PINK1: variants seen among roughly 807,000 people sequenced by gnomAD.
The protein encoded by PINK1 is PTEN induced kinase 1, also known as serine/threonine-protein kinase PINK1, mitochondrial.
A neutral mutation model predicts 56.0 loss-of-function variants in PINK1; 58 were observed. The ratio of observed to expected loss-of-function variants is 1.04; its 90% confidence interval spans 0.84 to 1.29. PINK1 has a LOEUF of 1.29. Ranked by LOEUF, PINK1 falls within the 50% of genes most tolerant of loss-of-function variation. The pLI, the probability that PINK1 is intolerant of heterozygous loss-of-function variation, is 0.00. For missense variants in PINK1, 745 were observed against 777.9 expected (o/e 0.96, Z 0.50); for synonymous variants, 354 against 339.3 (o/e 1.04, Z -0.48).
Position 20,645,602 on chromosome 1 carries a change from C to G in PINK1, c.1002C>G (p.Pro334=). 6.2e-7 allele frequency: 1 copy of G among 1,614,124 alleles called. No individual in the cohort carries two copies. Among genetic ancestry groups the G allele is most frequent in the Non-Finnish European group, 8.5e-7 (1 of 1,180,040 alleles). ...TLRQYLCVNT[P]SPRLAAMMLL... ...GCCAGTACCTTTGTGTGAACACACC[C>G]AGCCCCCGCCTCGCCGCCATGATGC... The change falls in exon 5 of 8, where the codon CCC becomes CCG. Residue 334 remains proline (P), a synonymous_variant. Coordinates refer to ENST00000321556, the MANE Select transcript of PINK1 (RefSeq NM_032409.3).
At chr1:20,642,169 C>A (rs534988498) in intron 3 of PINK1, among the ~76,000 whole-genome samples, 7 of 152,206 alleles carry the variant, frequency 4.6e-5, no homozygotes, top group Non-Finnish European at 8.8e-5. Flanking sequence ...GCTCTCTCCC[C>A]AGCACCGTCT....
chr1:20,643,204 A>AC (rs1313470866), intron 3 of PINK1: 1 of 152,224 alleles, frequency 6.6e-6, no homozygotes, highest in Non-Finnish European at 1.5e-5. Flanking sequence ...CTCGAGTGTC[A>AC]CTGTAGGTTC....
In PINK1 at chr1:20,641,680, C is replaced by G. The variant is rs1319489410; in HGVS notation, c.776+1688C>G. On this transcript the variant is annotated intron_variant, in intron 3 of 7. Coordinates refer to ENST00000321556, the MANE Select transcript of PINK1 (RefSeq NM_032409.3). The surrounding 1 kb of genome is among the most constrained non-coding windows in gnomAD (Gnocchi z 4.0). ...TTCATTTCCTCCTAGCCTCTGCTCTCCTGGGGCCCAGAGATTGAAGGCGCT... is the reference window on the plus strand; with the variant it reads ...TTCATTTCCTCCTAGCCTCTGCTCTGCTGGGGCCCAGAGATTGAAGGCGCT... Among the ~76,000 whole-genome samples, 2 of 152,142 alleles carry G rather than the reference C, an allele frequency of 1.3e-5. No individual in the cohort carries two copies. The highest frequency in any genetic ancestry group is 6.5e-5 in the Admixed American group (1 of 15,270).
intron 5 of PINK1, among the ~76,000 whole-genome samples, chr1:20,647,466 CTTT>C (rs34054663): frequency 7.2e-4 from 53 of 73,206 alleles, no homozygotes; most frequent in Middle Eastern, 0.019. Context: ...TGGGAGTTGG[CTTT>C]TTTTTTTTTT....
chr1:20,650,574 G>A lies in PINK1; in HGVS notation c.1629G>A (p.Arg543=). 1.2e-5 allele frequency: 20 copies of A among 1,614,234 alleles called. No homozygotes were observed. The highest frequency in any genetic ancestry group is 1.7e-5 in the Non-Finnish European group (20 of 1,180,048). Reference sequence around the variant, plus strand: ...CGGCCGCCACTTTGTTGGCCAACAGGCTCACAGAGAAGTGTTGTGTGGAAA... The same window carrying A: ...CGGCCGCCACTTTGTTGGCCAACAGACTCACAGAGAAGTGTTGTGTGGAAA... The part of the protein sequence containing the change: ...QQSAATLLAN[R]LTEKCCVETK... Residue 543 remains arginine, a synonymous_variant, in exon 8 of 8, where the codon AGG becomes AGA. Coordinates refer to ENST00000321556, the MANE Select transcript of PINK1 (RefSeq NM_032409.3).
Position 20,649,215 on chromosome 1 carries a change from A to C in PINK1, c.1472A>C (p.Gln491Pro). 2 of 1,614,098 alleles carry C rather than the reference A, an allele frequency of 1.2e-6. No individual in the cohort carries two copies. The highest frequency in any genetic ancestry group is 8.5e-7 in the Non-Finnish European group (1 of 1,179,976). ...DVRQLVRALL[Q>P]REASKRPSAR... ...AGACAGTTGGTGAGGGCACTGCTCC[A>C]GCGAGAGGCCAGCAAGGTGAGGCTG... The change falls in exon 7 of 8, where the codon CAG (glutamine) becomes CCG (proline). Residue 491 changes from glutamine (Q) to proline (P), a missense_variant. Physicochemically the swap from Gln to Pro is moderately conservative, Grantham distance 76. Coordinates refer to ENST00000321556, the MANE Select transcript of PINK1 (RefSeq NM_032409.3).
At chr1:20,648,966 G>T (rs368548390) in intron 6 of PINK1, 29 bp from the exon 7 acceptor site, 1 of 1,606,072 alleles carries the variant, frequency 6.2e-7, no homozygotes, top group Non-Finnish European at 8.5e-7. Context: ...GGCGGGCAGC[G>T]TGATGTCTCA....
At chr1:20,634,313 T>A (rs2053032567) in intron 1 of PINK1, among the ~76,000 whole-genome samples, 1 of 152,170 alleles carries the variant, frequency 6.6e-6, no homozygotes, top group Non-Finnish European at 1.5e-5. Context: ...GTGAAGGGAC[T>A]TGCTCGAAGT....
chr1:20,635,357 C>T (rs6691247), intron 1 of PINK1, among the ~76,000 whole-genome samples: 2 of 151,160 alleles, frequency 1.3e-5, no homozygotes, highest in Admixed American at 6.6e-5. Flanking sequence ...AAAAATTACC[C>T]GGGCGCAGTG....
At chr1:20,647,711 C>T (rs977306958) in intron 5 of PINK1, among the ~76,000 whole-genome samples, 8 of 151,904 alleles carry the variant, frequency 5.3e-5, no homozygotes, top group Admixed American at 3.3e-4. Flanking sequence ...CTTCGTGATC[C>T]GCCTGCCTCG....
rs528926875 is a variant in PINK1 at position 20,641,393 on chromosome 1, T to G, written c.776+1401T>G. Among the ~76,000 whole-genome samples, 1 of 152,286 alleles carries G rather than the reference T, an allele frequency of 6.6e-6. No individual in the cohort carries two copies. Among genetic ancestry groups the G allele is most frequent in the African/African-American group, 2.4e-5 (1 of 41,568 alleles). ...CTGTCCTGCTGCCGGAGCACCATGATGTCTGCTGCTGAGACCTCCCATCTG... is the reference window on the plus strand; with the variant it reads ...CTGTCCTGCTGCCGGAGCACCATGAGGTCTGCTGCTGAGACCTCCCATCTG... On this transcript the variant is annotated intron_variant, in intron 3 of 7. Transcript: ENST00000321556. This position sits in a 1 kb window ranked among gnomAD's most constrained non-coding sequence, Gnocchi z 4.0.
chr1:20,650,676 G>A lies in PINK1; in HGVS notation c.1731G>A (p.Trp577Ter), dbSNP rs1377297630. Reference sequence around the variant, plus strand: ...AGGCAGCCCTCCTCCTCTGCTCATGGAGGGCAGCCCTGTGATGTCCCTGCA... The same window carrying A: ...AGGCAGCCCTCCTCCTCTGCTCATGAAGGGCAGCCCTGTGATGTCCCTGCA... ...LCQAALLLCS[W>*]RAAL Residue 577 changes from tryptophan (W) to a stop codon, truncating the protein, a stop_gained, in exon 8 of 8, where the codon TGG becomes TGA. Transcript: ENST00000321556. LOFTEE classifies it high-confidence loss of function. 6.2e-7 allele frequency: 1 copy of A among 1,613,884 alleles called. No homozygotes were observed. Among genetic ancestry groups the A allele is most frequent in the Non-Finnish European group, 8.5e-7 (1 of 1,180,028 alleles).
intron 5 of PINK1, among the ~76,000 whole-genome samples, chr1:20,646,746 A>G (rs907489999): frequency 2.0e-5 from 3 of 152,210 alleles, no homozygotes; most frequent in African/African-American, 7.2e-5. Context: ...GAAGCATTCA[A>G]GTAGAAGCTG....
At chr1:20,644,786 C>A in intron 4 of PINK1, 114 bp downstream of exon 4, 2 of 1,356,766 alleles carry the variant, frequency 1.5e-6, no homozygotes, top group Non-Finnish European at 2.0e-6. Flanking sequence ...GGTCATCACC[C>A]TTCCGGAGAA....
chr1:20,643,322 C>T (rs2053136854), intron 3 of PINK1, among the ~76,000 whole-genome samples: 1 of 152,260 alleles, frequency 6.6e-6, no homozygotes, highest in Admixed American at 6.5e-5. Context: ...CACTGTGCCT[C>T]AGCAGGGCTG....
chr1:20,648,732 T>C, intron 6 of PINK1, 100 bp downstream of exon 6: 1 of 1,550,096 alleles, frequency 6.5e-7, no homozygotes, highest in Non-Finnish European at 8.7e-7. Context: ...CACCTCCATC[T>C]TTTCTGACCC....
Position 20,650,651 on chromosome 1 carries a change from A to AGGCAGCCCTCCTCCTCTGCTCATGGAG in PINK1, c.1716_1742dup (p.Leu573_Leu581dup). The AGGCAGCCCTCCTCCTCTGCTCATGGAG allele has an allele frequency of 6.2e-7, 1 of 1,614,158 alleles. No individual in the cohort carries two copies. Among genetic ancestry groups the AGGCAGCCCTCCTCCTCTGCTCATGGAG allele is most frequent in the Non-Finnish European group, 8.5e-7 (1 of 1,180,034 alleles). ...AACCTGGAGTGTGAAACGCTCTGCC[A>AGGCAGCCCTCCTCCTCTGCTCATGGAG]GGCAGCCCTCCTCCTCTGCTCATGG... On this transcript the variant is annotated inframe_insertion, in exon 8 of 8. Transcript: ENST00000321556.
chr1:20,648,701 C>T (rs530110460), intron 6 of PINK1, 69 bp downstream of exon 6: 36 of 1,595,910 alleles, frequency 2.3e-5, no homozygotes, highest in South Asian at 1.1e-4. Context: ...GCAGGAGACT[C>T]GATGCCTTGT....
intron 3 of PINK1, chr1:20,642,988 T>C (rs1340786024): frequency 6.6e-6 from 1 of 152,252 alleles, no homozygotes; most frequent in Non-Finnish European, 1.5e-5. Flanking sequence ...TTCTTGAACT[T>C]GTAGGAACGT....
Sources: allele counts gnomAD v4.1 joint callset (sites outside exome capture counted in the v4.1 genomes callset), GRCh38; gene constraint gnomAD v4.1.1; non-coding constraint Gnocchi (gnomAD v3.1); transcripts MANE v1.5; gene names NCBI Gene and HGNC (gene_info 2026-07-23, HGNC 2026-07-21).